The following DOCK3 variants were observed in gnomAD, a reference collection of about 807,000 sequenced individuals.
DOCK3 encodes dedicator of cytokinesis protein 3.
DOCK3 carries 60 observed loss-of-function variants against 265.6 expected under a neutral mutation model. The ratio of observed to expected loss-of-function variants is 0.23; its 90% CI spans 0.18 to 0.28. The LOEUF (loss-of-function observed/expected upper bound fraction) is 0.28, where lower values mean the gene tolerates loss of function less well. Among genes scored for constraint, DOCK3 ranks in the 10% least tolerant of loss-of-function variants. DOCK3 has a pLI of 1.00. For synonymous variants in DOCK3, 881 were observed against 938.0 expected, an observed-to-expected ratio of 0.94 and a Z score of 1.11; for missense variants, 1,981 against 2,594.3, an observed-to-expected ratio of 0.76 and a Z score of 5.14.
intron 5 of DOCK3, among the ~76,000 whole-genome samples, chr3:51,028,146 G>A (rs978680613): frequency 1.3e-5 from 2 of 152,018 alleles, no homozygotes; most frequent in African/African-American, 2.4e-5. Context: ...TTTTCTTAAC[G>A]TTTGCTTTTC....
At chr3:51,134,597 A>G (rs533472466) in intron 9 of DOCK3, among the ~76,000 whole-genome samples, 1 of 152,182 alleles carries the variant, frequency 6.6e-6, no homozygotes, top group Admixed American at 6.5e-5. Flanking sequence ...TAGACTTTCT[A>G]GTTGGAAGAG....
rs138621393 is a variant in DOCK3, at chr3:51,382,897, T to C, written c.*1338T>C. 0.018 allele frequency: 2,787 copies of C among 152,452 alleles called. 33 individuals are homozygous for C. The highest frequency in any genetic ancestry group is 0.031 in the Non-Finnish European group (2,116 of 68,008). The allele number at this position is 152,452 out of a possible 1,614,324, so 9.4% of individuals were successfully genotyped here. The stretch of plus-strand genomic sequence containing the variant: ...CCTCTCAGTTTATTATTTGGGGGGA[T>C]AGGGTCAGGTGGGTATAGTAGTACT... On this transcript the variant is annotated 3_prime_UTR_variant, in exon 53 of 53. Transcript: ENST00000266037.
At chr3:51,317,733 T>A (rs192015526) in intron 32 of DOCK3, among the ~76,000 whole-genome samples, 18,860 of 151,652 alleles carry the variant, frequency 0.12, 1,504 homozygotes, top group Middle Eastern at 0.18. Context: ...TTTCACAATG[T>A]ATACATATAT....
rs781796595 is a variant in DOCK3 at position 51,380,146 on chromosome 3, A to G, written c.5522A>G (p.Asp1841Gly). The change falls in exon 52 of 53, where the codon GAC becomes GGC. Residue 1841 changes from aspartate (D) to glycine (G), a missense_variant. Asp to Gly is a moderately conservative substitution (Grantham distance 94). Around this residue, in one of 4 missense-constraint regions of DOCK3, gnomAD observed 1,357 missense variants for 1,866.8 expected, o/e 0.73. Coordinates refer to ENST00000266037, the MANE Select transcript of DOCK3 (RefSeq NM_004947.5). ...GCAGGTCATTACTCCCTACACTTTG[A>G]CGCCTTCCACCACCCTCTGGGTGAT... Reference protein sequence around the residue: ...AEKGHYSLHFDAFHHPLGDTP... With the variant: ...AEKGHYSLHFGAFHHPLGDTP... 1.4e-5 allele frequency: 23 copies of G among 1,613,442 alleles called. No individual in the cohort carries two copies. The South Asian group carries it at 2.5e-4, about 18-fold the overall frequency.
At chr3:50,712,803 G>A (rs1195719248) in intron 1 of DOCK3, among the ~76,000 whole-genome samples, 2 of 152,088 alleles carry the variant, frequency 1.3e-5, no homozygotes, top group Admixed American at 6.6e-5. Flanking sequence ...ACAGGAGATC[G>A]ATTATAGTTT....
At chr3:51,278,146 A>G in intron 26 of DOCK3, 5 of 985,420 alleles carry the variant, frequency 5.1e-6, no homozygotes, top group Non-Finnish European at 6.0e-6. Flanking sequence ...AGGACAGAAT[A>G]ATTTTCTCAG....
In DOCK3 at chr3:50,955,615, T is replaced by C. The variant is rs144001980; in HGVS notation, c.315+21538T>C. On this transcript the variant is annotated intron_variant, in intron 5 of 52. Coordinates refer to ENST00000266037, the MANE Select transcript of DOCK3 (RefSeq NM_004947.5). ...ACCAAATACTGGATGTTCTCACTTA[T>C]AAGTGGAAGCTAAATGATAACACAT... Among the ~76,000 whole-genome samples the C allele has an allele frequency of 1.2e-4, 19 of 152,266 alleles. 1 individual carries two copies. In the East Asian group the frequency reaches 3.7e-3, roughly 29 times the overall value.
In DOCK3 at chr3:51,302,047, T is replaced by C. The variant is rs142362896; in HGVS notation, c.2923-8185T>C. On this transcript the variant is annotated intron_variant, in intron 27 of 52. Coordinates refer to ENST00000266037, the MANE Select transcript of DOCK3 (RefSeq NM_004947.5). ...AGTGGAGTGTTAAAGTCTCCCACTA[T>C]TATTGTGTGTGGGAGTCTAAGTCTC... Among the ~76,000 whole-genome samples, 447 of 152,306 alleles carry C rather than the reference T, an allele frequency of 2.9e-3. 1 individual carries two copies. Among genetic ancestry groups the C allele is most frequent in the African/African-American group, 0.01 (426 of 41,572 alleles).
At chr3:51,242,956 C>A (rs2078674256) in intron 21 of DOCK3, among the ~76,000 whole-genome samples, 1 of 152,094 alleles carries the variant, frequency 6.6e-6, no homozygotes. Flanking sequence ...GTGGAGCTCT[C>A]CCCCATCAAG....
intron 9 of DOCK3, among the ~76,000 whole-genome samples, chr3:51,139,260 G>C (rs567239287): frequency 2.0e-5 from 3 of 150,356 alleles, no homozygotes; most frequent in Non-Finnish European, 4.4e-5. Flanking sequence ...GCAGTGGGGG[G>C]AGGGCTAAGA....
intron 5 of DOCK3, among the ~76,000 whole-genome samples, chr3:51,048,510 T>G (rs180959691): frequency 6.9e-4 from 105 of 152,364 alleles, no homozygotes; most frequent in African/African-American, 2.5e-3. Flanking sequence ...AATTCACTGA[T>G]GTTTAGTATA....
chr3:50,795,937 T>C (rs1310726014), intron 2 of DOCK3, among the ~76,000 whole-genome samples: 1 of 152,236 alleles, frequency 6.6e-6, no homozygotes, highest in South Asian at 2.1e-4. Context: ...TTTGACATAC[T>C]CTGTTATCGC....
chr3:51,309,695 T>G (rs1271935060), intron 27 of DOCK3, among the ~76,000 whole-genome samples: 1 of 152,224 alleles, frequency 6.6e-6, no homozygotes, highest in Non-Finnish European at 1.5e-5. Context: ...TCATCCATTT[T>G]TCTTGAGTAA....
chr3:51,104,304 C>A (rs2083194117), intron 9 of DOCK3, among the ~76,000 whole-genome samples: 1 of 152,112 alleles, frequency 6.6e-6, no homozygotes, highest in African/African-American at 2.4e-5. Flanking sequence ...AAATGTCTGG[C>A]CTTGGCGAGG....
intron 2 of DOCK3, among the ~76,000 whole-genome samples, chr3:50,780,050 A>G (rs1228898359): frequency 3.3e-5 from 5 of 152,176 alleles, no homozygotes; most frequent in Non-Finnish European, 1.5e-5. Flanking sequence ...GTAACCTACC[A>G]TGATCCAGGA....
intron 22 of DOCK3, among the ~76,000 whole-genome samples, chr3:51,249,802 G>T (rs373727251): frequency 2.0e-5 from 3 of 147,186 alleles, no homozygotes; most frequent in African/African-American, 5.0e-5. Context: ...GAACGGGCCA[G>T]GATGACAATG....
At chr3:50,784,914 T>G (rs759318474) in intron 2 of DOCK3, among the ~76,000 whole-genome samples, 9 of 152,192 alleles carry the variant, frequency 5.9e-5, no homozygotes, top group Non-Finnish European at 1.0e-4. Context: ...CCCAGCACTT[T>G]GGGAAGCCAA....
At chr3:50,679,696 G>A (rs2107656251) in intron 1 of DOCK3, among the ~76,000 whole-genome samples, 1 of 152,332 alleles carries the variant, frequency 6.6e-6, no homozygotes, top group Non-Finnish European at 1.5e-5. Flanking sequence ...TCTGAAGACA[G>A]TGTGCTCTTT....
At chr3:51,309,391 G>A (rs934955690) in intron 27 of DOCK3, among the ~76,000 whole-genome samples, 14 of 152,222 alleles carry the variant, frequency 9.2e-5, no homozygotes, top group Admixed American at 4.6e-4. Context: ...AGACCAGCCC[G>A]GCCAACCCAG....
Sources: allele counts gnomAD v4.1 joint callset (sites outside exome capture counted in the v4.1 genomes callset), GRCh38; gene constraint gnomAD v4.1.1; regional missense constraint gnomAD v4.1.1; transcripts MANE v1.5; gene names NCBI Gene and HGNC (gene_info 2026-07-23, HGNC 2026-07-21).